The following XKR4 variants were observed in gnomAD, a reference collection of about 807,000 sequenced individuals.
The protein encoded by XKR4 is XK-related protein 4.
Under a neutral mutation model 53.9 loss-of-function variants are expected in XKR4, and 12 were observed. That is an observed-to-expected ratio of 0.22 (90% CI 0.14 to 0.36). The LOEUF (loss-of-function observed/expected upper bound fraction) is 0.36. Ranked by LOEUF, XKR4 falls within the 10% of genes least tolerant of loss-of-function variation. The pLI is 1.00. For missense variants in XKR4, 799 were observed against 859.5 expected (o/e 0.93, Z 0.88); for synonymous variants, 354 against 362.4 (o/e 0.98, Z 0.26).
At chr8:55,302,671 T>C (rs1168933888) in intron 1 of XKR4, among the ~76,000 whole-genome samples, 2 of 152,182 alleles carry the variant, frequency 1.3e-5, no homozygotes, top group Admixed American at 6.5e-5. Flanking sequence ...TTTTATTTCC[T>C]TGAGCAGTGG....
At chr8:55,300,764 A>T (rs907885171) in intron 1 of XKR4, among the ~76,000 whole-genome samples, 5 of 152,294 alleles carry the variant, frequency 3.3e-5, no homozygotes, top group Admixed American at 2.6e-4. Context: ...GACAAGAGTC[A>T]GGCAGGATGA....
intron 2 of XKR4, among the ~76,000 whole-genome samples, chr8:55,416,997 GC>G (rs1804862089): frequency 6.6e-6 from 1 of 152,120 alleles, no homozygotes; most frequent in African/African-American, 2.4e-5. Flanking sequence ...GTCCCCTGGG[GC>G]GGGGTTACAT....
chr8:55,362,970 A>C (rs879827586), intron 2 of XKR4, among the ~76,000 whole-genome samples: 4 of 152,246 alleles, frequency 2.6e-5, no homozygotes, highest in Non-Finnish European at 4.4e-5. Context: ...CAGCACAGTC[A>C]CCTGGCTGCA....
intron 1 of XKR4, among the ~76,000 whole-genome samples, chr8:55,195,010 G>C (rs1817486419): frequency 6.6e-6 from 1 of 152,184 alleles, no homozygotes; most frequent in Non-Finnish European, 1.5e-5. Flanking sequence ...GAATTGAATA[G>C]ATCTCTAAAA....
At chr8:55,513,255 T>C (rs1806655552) in intron 2 of XKR4, among the ~76,000 whole-genome samples, 1 of 152,146 alleles carries the variant, frequency 6.6e-6, no homozygotes. Flanking sequence ...CATTACACAT[T>C]CCCCTAAATA....
At chr8:55,238,270 C>A (rs1338135962) in intron 1 of XKR4, among the ~76,000 whole-genome samples, 4 of 152,156 alleles carry the variant, frequency 2.6e-5, no homozygotes, top group Admixed American at 2.6e-4. Context: ...AGGCCCAAGG[C>A]TGCTGGTTTA....
At chr8:55,213,601 C>T (rs1305921995) in intron 1 of XKR4, among the ~76,000 whole-genome samples, 1 of 152,108 alleles carries the variant, frequency 6.6e-6, no homozygotes, top group African/African-American at 2.4e-5. Flanking sequence ...TAGTCTGGCT[C>T]CCAGGCAAGA....
At chr8:55,416,780 G>A (rs1462631007) in intron 2 of XKR4, among the ~76,000 whole-genome samples, 1 of 152,164 alleles carries the variant, frequency 6.6e-6, no homozygotes, top group Non-Finnish European at 1.5e-5. Flanking sequence ...TATTTTACCT[G>A]ATACCACAGC....
At position 55,505,893 on chromosome 8, in the gene XKR4, T is replaced by C. The variant is rs377204757; in HGVS notation, c.1007-17388T>C. On this transcript the variant is annotated intron_variant, in intron 2 of 2. Transcript: ENST00000327381. Reference sequence around the variant, plus strand: ...CTAAGATACATGAAGTAATTTGTTTTAAATCAGGCCATGTCCATCATGACA... The same window carrying C: ...CTAAGATACATGAAGTAATTTGTTTCAAATCAGGCCATGTCCATCATGACA... 1.5e-4 allele frequency among the ~76,000 whole-genome samples: 23 copies of C among 152,354 alleles called. No homozygotes were observed. The East Asian group carries it at 4.4e-3, about 29-fold the overall frequency.
At chr8:55,139,567 G>T (rs889492207) in intron 1 of XKR4, among the ~76,000 whole-genome samples, 6 of 150,802 alleles carry the variant, frequency 4.0e-5, no homozygotes, top group African/African-American at 1.5e-4. Context: ...CGGAAATAGG[G>T]TTCTCCTAAA....
At chr8:55,304,303 G>A (rs1373071248) in intron 1 of XKR4, among the ~76,000 whole-genome samples, 10 of 152,110 alleles carry the variant, frequency 6.6e-5, no homozygotes, top group South Asian at 2.1e-4. Context: ...GTAGTTGAGC[G>A]GTTTTGAGTG....
At chr8:55,520,313 C>T (rs758317480) in intron 2 of XKR4, among the ~76,000 whole-genome samples, 8 of 152,216 alleles carry the variant, frequency 5.3e-5, no homozygotes, top group Non-Finnish European at 8.8e-5. Context: ...AGCCCCAGCA[C>T]GGTGGCTCAC....
rs746624510 is a variant in XKR4, at chr8:55,164,198, C to T, written c.806+60904C>T. The T allele has an allele frequency of 3.5e-5, 16 of 456,520 alleles. 1 individual carries two copies. The East Asian group carries it at 5.6e-4, about 16-fold the overall frequency. 28.3% of individuals were successfully genotyped at this position (456,520 alleles called of 1,614,324 possible). On this transcript the variant is annotated intron_variant, in intron 1 of 2. Coordinates refer to ENST00000327381, the MANE Select transcript of XKR4 (RefSeq NM_052898.2). The stretch of plus-strand genomic sequence containing the variant: ...CCAGCACACAGGTTGCCTCGTCCGC[C>T]GCCTCCCCACAGCACCTTTCCTGAA...
intron 1 of XKR4, among the ~76,000 whole-genome samples, chr8:55,250,159 T>G (rs530277007): frequency 6.6e-6 from 1 of 152,220 alleles, no homozygotes; most frequent in Non-Finnish European, 1.5e-5. Flanking sequence ...ATGGTTTCAC[T>G]AGAAAGTTGC....
chr8:55,263,300 G>A (rs749908203), intron 1 of XKR4, among the ~76,000 whole-genome samples: 8 of 152,342 alleles, frequency 5.3e-5, no homozygotes, highest in South Asian at 2.1e-4. Flanking sequence ...CACCGTGGCC[G>A]TTGTTGCCAT....
intron 1 of XKR4, among the ~76,000 whole-genome samples, chr8:55,295,268 A>T (rs1819085633): frequency 6.6e-6 from 1 of 152,196 alleles, no homozygotes; most frequent in African/African-American, 2.4e-5. Flanking sequence ...GACATGAGAA[A>T]GACGGAAAAG....
chr8:55,102,859 C>T lies in XKR4; in HGVS notation c.371C>T (p.Ala124Val). 1 of 1,611,816 alleles carries T rather than the reference C, an allele frequency of 6.2e-7. No individual in the cohort carries two copies. Among genetic ancestry groups the T allele is most frequent in the Admixed American group, 1.7e-5 (1 of 60,024 alleles). The change falls in exon 1 of 3, where the codon GCG becomes GTG. Residue 124 changes from alanine to valine, a missense_variant. Ala to Val is a moderately conservative substitution (Grantham distance 64, BLOSUM62 0). This residue lies in a region of XKR4 where 476 missense variants were observed against 505.4 expected (regional missense o/e 0.94). Coordinates refer to ENST00000327381, the MANE Select transcript of XKR4 (RefSeq NM_052898.2). The surrounding 1 kb of genome is among the most constrained non-coding windows in gnomAD (Gnocchi z 5.1). ...CTGGCCGCCGTGGCCGTGTACTTCG[C>T]GGACGTGGGCACAGACGTCTGGCTC... ...WILAAVAVYF[A>V]DVGTDVWLAV...
rs145970662 is a variant in XKR4 at position 55,527,351 on chromosome 8, C to T, written c.*3124C>T. On this transcript the variant is annotated 3_prime_UTR_variant, in exon 3 of 3. Coordinates refer to ENST00000327381, the MANE Select transcript of XKR4 (RefSeq NM_052898.2). The stretch of plus-strand genomic sequence containing the variant: ...CTTATCTGCAGGCTCCTTTCTGTGT[C>T]TGAGTCCACTTTGATTCCATTTAAG... The T allele has an allele frequency of 2.8e-3, 429 of 152,312 alleles. 3 individuals are homozygous for T. The highest frequency in any genetic ancestry group is 1.0e-2 in the African/African-American group (414 of 41,572). 9.4% of individuals were successfully genotyped at this position (152,312 alleles called of 1,614,324 possible).
At chr8:55,482,690 T>G (rs1258898820) in intron 2 of XKR4, among the ~76,000 whole-genome samples, 3 of 152,132 alleles carry the variant, frequency 2.0e-5, no homozygotes, top group Non-Finnish European at 2.9e-5. Flanking sequence ...TGAACTAAAC[T>G]CTTTGAACTT....
Sources: allele counts gnomAD v4.1 joint callset (sites outside exome capture counted in the v4.1 genomes callset), GRCh38; gene constraint gnomAD v4.1.1; regional missense constraint gnomAD v4.1.1; non-coding constraint Gnocchi (gnomAD v3.1); transcripts MANE v1.5; gene names NCBI Gene and HGNC (gene_info 2026-07-23, HGNC 2026-07-21).